Variants in ATG7 observed in about 807,000 individuals in gnomAD.
The protein encoded by ATG7 is autophagy related 7, also known as ubiquitin-like modifier-activating enzyme ATG7.
A neutral mutation model predicts 82.4 loss-of-function variants in ATG7; 70 were observed. The observed-to-expected ratio is 0.85, with a 90% CI of 0.70 to 1.04. The LOEUF (loss-of-function observed/expected upper bound fraction) is 1.04. Ranked by LOEUF, ATG7 falls within the 50% of genes least tolerant of loss-of-function variation. The pLI, the probability that ATG7 is intolerant of heterozygous loss-of-function variation, is 0.00. For missense variants in ATG7, 792 were observed against 864.3 expected, an observed-to-expected ratio of 0.92 and a Z score of 1.05; for synonymous variants, 287 against 313.0, an observed-to-expected ratio of 0.92 and a Z score of 0.88.
chr3:11,313,521 A>C (rs952404680), intron 8 of ATG7, 101 bp downstream of exon 8: 1 of 772,660 alleles, frequency 1.3e-6, no homozygotes, highest in Admixed American at 2.8e-5. Flanking sequence ...CTGGATGAAG[A>C]CGTGGTAACT....
chr3:11,531,988 A>G (rs2092702962), intron 20 of ATG7, among the ~76,000 whole-genome samples: 2 of 152,176 alleles, frequency 1.3e-5, no homozygotes, highest in Non-Finnish European at 2.9e-5. Context: ...TTCTCCCAGA[A>G]TCTTCTCTTA....
At chr3:11,466,999 C>T (rs62245902) in intron 20 of ATG7, among the ~76,000 whole-genome samples, 4,035 of 152,200 alleles carry the variant, frequency 0.027, 73 homozygotes, top group Non-Finnish European at 0.043. Context: ...TGGCGGGCGC[C>T]TGTAATCTCA....
At chr3:11,408,293 C>T (rs1387420359) in intron 19 of ATG7, among the ~76,000 whole-genome samples, 1 of 152,208 alleles carries the variant, frequency 6.6e-6, no homozygotes, top group Admixed American at 6.5e-5. Context: ...CCATTTGAGA[C>T]CACCTTAGCC....
chr3:11,314,852 T>C (rs928807173), intron 8 of ATG7, among the ~76,000 whole-genome samples: 11 of 152,042 alleles, frequency 7.2e-5, no homozygotes, highest in African/African-American at 2.7e-4. Context: ...GGTAGGAGGA[T>C]TGATTGAGCC....
chr3:11,539,456 G>C (rs2070638993), intron 20 of ATG7, among the ~76,000 whole-genome samples: 2 of 152,202 alleles, frequency 1.3e-5, no homozygotes, highest in Non-Finnish European at 2.9e-5. Flanking sequence ...GAGCCGGGGA[G>C]GCCAGGGAAG....
At chr3:11,561,005 A>C (rs1280677669), downstream of ATG7, among the ~76,000 whole-genome samples, 2 of 152,054 alleles carry the variant, frequency 1.3e-5, no homozygotes, top group African/African-American at 2.4e-5. Context: ...AGAGAGCAGA[A>C]TACCGAGACC....
intron 9 of ATG7, among the ~76,000 whole-genome samples, chr3:11,330,291 T>A (rs1262250998): frequency 6.6e-6 from 1 of 152,222 alleles, no homozygotes; most frequent in Middle Eastern, 3.2e-3. Flanking sequence ...CAGTATTTGC[T>A]TATATAGTTT....
chr3:11,393,869 T>G (rs576381805), intron 19 of ATG7, among the ~76,000 whole-genome samples: 5 of 152,162 alleles, frequency 3.3e-5, no homozygotes, highest in East Asian at 3.9e-4. Context: ...TTTGTAGAGA[T>G]AGGGATTCGC....
intron 20 of ATG7, among the ~76,000 whole-genome samples, chr3:11,460,180 G>A (rs2086168560): frequency 6.6e-6 from 1 of 152,226 alleles, no homozygotes; most frequent in African/African-American, 2.4e-5. Context: ...TTTTGGCGTT[G>A]TTTTAAGGTG....
At chr3:11,442,734 C>A (rs1225553188) in intron 20 of ATG7, among the ~76,000 whole-genome samples, 7 of 43,348 alleles carry the variant, frequency 1.6e-4, no homozygotes, top group Non-Finnish European at 3.2e-4. Flanking sequence ...GAGACTCCAT[C>A]TCTACAAAAA....
At chr3:11,564,108 C>CG in the ATG7 span, among the ~76,000 whole-genome samples, 4 of 152,194 alleles carry the variant, frequency 2.6e-5, no homozygotes, top group Non-Finnish European at 1.5e-5. Context: ...CCTGGAGATT[C>CG]GGAGAGCTCA....
the ATG7 span, chr3:11,564,981 CG>C: frequency 6.5e-7 from 1 of 1,529,154 alleles, no homozygotes. Context: ...GCTCCGCTCC[CG>C]GGGGTCTCTG....
downstream of ATG7, among the ~76,000 whole-genome samples, chr3:11,562,005 T>C (rs376908931): frequency 3.3e-5 from 5 of 151,182 alleles, no homozygotes; most frequent in African/African-American, 1.2e-4. Flanking sequence ...GTTCAAGCGA[T>C]TCTCCTGTCA....
intron 19 of ATG7, among the ~76,000 whole-genome samples, chr3:11,403,621 A>G (rs1178875365): frequency 6.6e-6 from 1 of 152,188 alleles, no homozygotes; most frequent in African/African-American, 2.4e-5. Flanking sequence ...AATGTTATTG[A>G]TAATCAATTA....
chr3:11,301,258 T>G (rs1166151809), intron 5 of ATG7, among the ~76,000 whole-genome samples: 1 of 152,116 alleles, frequency 6.6e-6, no homozygotes, highest in Non-Finnish European at 1.5e-5. Context: ...AGGGTGGAGC[T>G]GAAACCAAGA....
At chr3:11,540,764 A>G (rs2125021562) in intron 20 of ATG7, among the ~76,000 whole-genome samples, 1 of 152,206 alleles carries the variant, frequency 6.6e-6, no homozygotes. Flanking sequence ...AAGAGAGGAA[A>G]AGTTTTGAAT....
At chr3:11,360,405 T>C (rs1378142194) in intron 15 of ATG7, among the ~76,000 whole-genome samples, 176 bp from the exon 16 acceptor site, 2 of 152,264 alleles carry the variant, frequency 1.3e-5, no homozygotes, top group African/African-American at 2.4e-5. Context: ...TTATCAAGTC[T>C]TTTGTAATTA....
At chr3:11,341,442 C>CTTTTTTTTTTTTTTTTT (rs1169282258) in intron 12 of ATG7, among the ~76,000 whole-genome samples, 1 of 144,236 alleles carries the variant, frequency 6.9e-6, no homozygotes, top group Non-Finnish European at 1.5e-5. Context: ...TCAGTGCACT[C>CTTTTTTTTTTTTTTTTT]TTTTTTTTTT....
intron 3 of ATG7, among the ~76,000 whole-genome samples, chr3:11,291,593 GT>G (rs1372553365): frequency 2.5e-4 from 38 of 152,176 alleles, no homozygotes; most frequent in African/African-American, 8.7e-4. Flanking sequence ...CATGTAAACT[GT>G]TTAGTGTAGT....
Sources: gnomAD v4.1 joint callset for allele counts (sites outside exome capture counted in the v4.1 genomes callset) on GRCh38, gnomAD v4.1.1 for gene constraint, MANE v1.5 for transcripts, NCBI Gene and HGNC (gene_info 2026-07-23, HGNC 2026-07-21) for gene names.